The following CTR9 variants were observed in gnomAD, a reference collection of about 807,000 sequenced individuals.
The protein encoded by CTR9 is RNA polymerase-associated protein CTR9 homolog.
In CTR9, 41 loss-of-function variants were observed where a neutral mutation model predicts 152.1. The ratio of observed to expected loss-of-function variants is 0.27; its 90% CI spans 0.21 to 0.35. CTR9 has a LOEUF of 0.35. Ranked by LOEUF, CTR9 falls within the 10% of genes least tolerant of loss-of-function variation. The pLI, the probability that CTR9 is intolerant of heterozygous loss-of-function variation, is 1.00. For synonymous variants in CTR9, 476 were observed against 496.2 expected (o/e 0.96, Z 0.54); for missense variants, 917 against 1,424.4 (o/e 0.64, Z 5.73).
intron 16 of CTR9, among the ~76,000 whole-genome samples, chr11:10,769,170 C>G (rs1408337687): frequency 6.6e-6 from 1 of 151,832 alleles, no homozygotes; most frequent in African/African-American, 2.4e-5. Flanking sequence ...TGCAGTAAGC[C>G]AAGATCCTGC....
chr11:10,751,553 C>T (rs1862802040), intron 1 of CTR9, 96 bp downstream of exon 1: 4 of 1,210,772 alleles, frequency 3.3e-6, no homozygotes, highest in Non-Finnish European at 4.8e-6. Flanking sequence ...AGAGCATCCT[C>T]CTTCCCTAAG....
At chr11:10,770,808 A>G (rs1863132079) in intron 18 of CTR9, among the ~76,000 whole-genome samples, 176 bp downstream of exon 18, 1 of 152,224 alleles carries the variant, frequency 6.6e-6, no homozygotes, top group Admixed American at 6.5e-5. Context: ...TAGTTAAGCC[A>G]AAGCAGATAG....
In CTR9 at chr11:10,767,919, T is replaced by C. The variant is rs199500868; in HGVS notation, c.1800T>C (p.Asp600=). The C allele has an allele frequency of 4.2e-5, 68 of 1,614,046 alleles. No individual in the cohort carries two copies. Among genetic ancestry groups the C allele is most frequent in the Non-Finnish European group, 5.4e-5 (64 of 1,180,014 alleles). The part of the protein sequence containing the change: ...RILKQPSTQS[D]TYSMLALGNV... ...TAAAACAGCCATCCACACAGAGTGA[T>C]ACCTATTCTATGCTAGCCCTTGGCA... The change falls in exon 14 of 25, where the codon GAT becomes GAC. Residue 600 remains aspartate, a synonymous_variant. Coordinates refer to ENST00000361367, the MANE Select transcript of CTR9 (RefSeq NM_014633.5). This position sits in a 1 kb window ranked among gnomAD's most constrained non-coding sequence, Gnocchi z 4.0.
intron 2 of CTR9, among the ~76,000 whole-genome samples, chr11:10,753,525 A>G (rs1368237242): frequency 6.6e-6 from 1 of 151,980 alleles, no homozygotes; most frequent in East Asian, 1.9e-4. Context: ...CTGCTCTAAG[A>G]GTTTCTTCCT....
At chr11:10,758,419 A>G (rs1382552258) in intron 5 of CTR9, among the ~76,000 whole-genome samples, 1 of 152,212 alleles carries the variant, frequency 6.6e-6, no homozygotes, top group South Asian at 2.1e-4. Context: ...CAGATTCTAC[A>G]TGTATTTTGA....
intron 12 of CTR9, among the ~76,000 whole-genome samples, chr11:10,765,962 T>G (rs1390254089): frequency 6.6e-6 from 1 of 152,094 alleles, no homozygotes; most frequent in Non-Finnish European, 1.5e-5. Flanking sequence ...CACTATTAAT[T>G]AATGGAAGAA....
chr11:10,764,592 A>G lies in CTR9; in HGVS notation c.1458A>G (p.Glu486=). The G allele has an allele frequency of 6.2e-7, 1 of 1,612,738 alleles. No homozygotes were observed. The highest frequency in any genetic ancestry group is 8.5e-7 in the Non-Finnish European group (1 of 1,178,898). ...TGGACCGTGCAAAAGCAGAAGCGGA[A>G]CACGATGAGCATTACTATAACGCCA... is the stretch of plus-strand genomic sequence containing the variant. The part of the protein sequence containing the change: ...ASLDRAKAEA[E]HDEHYYNAIS... Residue 486 remains glutamate (E), a synonymous_variant, in exon 12 of 25, where the codon GAA becomes GAG. Transcript: ENST00000361367.
At position 10,774,032 on chromosome 11, in the gene CTR9, G is replaced by C. The variant is rs757645522; in HGVS notation, c.2748G>C (p.Glu916Asp). The C allele has an allele frequency of 2.5e-6, 4 of 1,612,060 alleles. No homozygotes were observed. Among genetic ancestry groups the C allele is most frequent in the Admixed American group, 1.7e-5 (1 of 59,704 alleles). The change falls in exon 22 of 25, where the codon GAG becomes GAC. Residue 916 changes from glutamate to aspartate, a missense_variant. Transcript: ENST00000361367. ...TTTAGCGTTCTAAGAAGGGAGGAGA[G>C]TTTGATGAATTTGTCAATGATGACA... ...GGGRRSKKGG[E>D]FDEFVNDDTD...
chr11:10,763,932 C>T (rs1423274719), intron 9 of CTR9, 53 bp downstream of exon 9: 9 of 1,424,972 alleles, frequency 6.3e-6, no homozygotes, highest in Non-Finnish European at 8.7e-6. Context: ...TCCCAAAACT[C>T]CCATTTCTCA....
rs772169144 is a variant in CTR9, at chr11:10,774,110, C to T, written c.2826C>T (p.Gly942=). 18 of 1,603,270 alleles carry T rather than the reference C, an allele frequency of 1.1e-5. No homozygotes were observed. The South Asian group carries it at 1.7e-4, about 15-fold the overall frequency. ...AGAAGAAGAGAAGAAAGGGTAGTGGCAGTGAACAAGAAGGTGAAGATGAGG... is the reference window on the plus strand; with the variant it reads ...AGAAGAAGAGAAGAAAGGGTAGTGGTAGTGAACAAGAAGGTGAAGATGAGG... ...SKKKKRRKGS[G]SEQEGEDEEG... is the part of the protein sequence containing the mutation. Residue 942 remains glycine, a synonymous_variant, in exon 22 of 25, where the codon GGC becomes GGT. Transcript: ENST00000361367.
intron 21 of CTR9, among the ~76,000 whole-genome samples, chr11:10,773,680 G>A (rs1246153068): frequency 1.3e-5 from 2 of 151,990 alleles, no homozygotes; most frequent in Non-Finnish European, 2.9e-5. Context: ...TTGAGGTCAG[G>A]AGTCTGAGAC....
At chr11:10,775,470 A>T (rs1590028430) in intron 23 of CTR9, 51 bp from the exon 24 acceptor site, 5 of 1,491,550 alleles carry the variant, frequency 3.4e-6, no homozygotes, top group Non-Finnish European at 4.6e-6. Context: ...ATTTAACAAG[A>T]TGGCCTAATG....
At chr11:10,776,785 T>A (rs111480360) in intron 24 of CTR9, among the ~76,000 whole-genome samples, 6,100 of 151,690 alleles carry the variant, frequency 0.04, 176 homozygotes, top group Non-Finnish European at 0.062. Context: ...CCAGCCTGGC[T>A]AACATGGCAA....
chr11:10,752,602 G>A (rs953944123), intron 1 of CTR9, 70 bp from the exon 2 acceptor site: 3 of 1,116,938 alleles, frequency 2.7e-6, no homozygotes, highest in Admixed American at 1.7e-5. Context: ...TTATATTCAC[G>A]AAAAGCAGCA....
At position 10,755,349 on chromosome 11, in the gene CTR9, A is replaced by T. The variant is rs1862868609; in HGVS notation, c.384+152A>T. The T allele has an allele frequency of 4.1e-6, 4 of 986,536 alleles. No homozygotes were observed. In the Admixed American group the frequency reaches 1.1e-4, roughly 26 times the overall value. The allele number at this position is 986,536 out of a possible 1,614,324, so 61.1% of individuals were successfully genotyped here. ...AAGAAAGGTTCCTCATTAAAATCGG[A>T]ATGCTTTGGTTTTTGTACTGTTTAA... On this transcript the variant is annotated intron_variant, in intron 3 of 24. Coordinates refer to ENST00000361367, the MANE Select transcript of CTR9 (RefSeq NM_014633.5).
intron 6 of CTR9, 128 bp from the exon 7 acceptor site, chr11:10,761,819 A>C (rs1385788206): frequency 1.9e-6 from 1 of 517,896 alleles, no homozygotes; most frequent in South Asian, 3.4e-5. Flanking sequence ...AATCATAAGA[A>C]GCTTCTAATC....
At chr11:10,772,802 G>C in intron 20 of CTR9, 147 bp downstream of exon 20, 3 of 840,758 alleles carry the variant, frequency 3.6e-6, no homozygotes, top group Admixed American at 6.8e-5. Flanking sequence ...GGTGGAGGGC[G>C]GATCACTTGA....
rs375665323 is a variant in CTR9, at chr11:10,751,320, C to T, written c.-93C>T. ...GCGGGGCGGCAGTCAAGACCAGAGC[C>T]GGAGCCGTCACTCACCTCTGGATTA... On this transcript the variant is annotated 5_prime_UTR_variant, in exon 1 of 25. Coordinates refer to ENST00000361367, the MANE Select transcript of CTR9 (RefSeq NM_014633.5). The T allele has an allele frequency of 1.2e-5, 16 of 1,358,534 alleles. No individual in the cohort carries two copies. The highest frequency in any genetic ancestry group is 5.1e-5 in the Admixed American group (3 of 58,988). The allele number at this position is 1,358,534 out of a possible 1,614,324, so 84.2% of individuals were successfully genotyped here. A position where few individuals can be genotyped will look rare whatever the true frequency, so the allele number is the denominator to read the frequency against.
intron 13 of CTR9, among the ~76,000 whole-genome samples, 181 bp downstream of exon 13, chr11:10,766,671 G>A (rs1418547780): frequency 1.3e-5 from 2 of 152,042 alleles, no homozygotes; most frequent in African/African-American, 4.8e-5. Flanking sequence ...TATAAATAGG[G>A]ACCATGTTTT....
Sources: allele counts gnomAD v4.1 joint callset (sites outside exome capture counted in the v4.1 genomes callset), GRCh38; gene constraint gnomAD v4.1.1; non-coding constraint Gnocchi (gnomAD v3.1); transcripts MANE v1.5; gene names NCBI Gene and HGNC (gene_info 2026-07-23, HGNC 2026-07-21).